Variants in HOMER2 observed in about 807,000 individuals in gnomAD.
HOMER2 encodes homer scaffold protein 2.
Under a neutral mutation model 47.0 loss-of-function variants are expected in HOMER2, and 27 were observed. That is an observed-to-expected ratio of 0.57 (90% CI 0.42 to 0.79). The LOEUF (loss-of-function observed/expected upper bound fraction) is 0.79. HOMER2 is among the 30% of genes least tolerant of loss of function. HOMER2 has a pLI of 0.00. For missense variants in HOMER2, 443 were observed against 435.0 expected, an observed-to-expected ratio of 1.02 and a Z score of -0.16; for synonymous variants, 161 against 163.8, an observed-to-expected ratio of 0.98 and a Z score of 0.13.
At chr15:82,944,280 T>C (rs1006158768) in intron 1 of HOMER2, among the ~76,000 whole-genome samples, 2 of 152,184 alleles carry the variant, frequency 1.3e-5, no homozygotes, top group African/African-American at 4.8e-5. Context: ...AACTGGATCA[T>C]GATGCCAGCT....
chr15:82,900,549 C>T (rs2053082103), intron 1 of HOMER2, among the ~76,000 whole-genome samples: 1 of 152,102 alleles, frequency 6.6e-6, no homozygotes, highest in African/African-American at 2.4e-5. Flanking sequence ...TTAGCCATCT[C>T]AGATATTGAA....
At chr15:82,956,113 G>C (rs1429909265), upstream of HOMER2, among the ~76,000 whole-genome samples, 2 of 151,966 alleles carry the variant, frequency 1.3e-5, no homozygotes, top group South Asian at 2.1e-4. Flanking sequence ...GGTGGTACAT[G>C]CCTGTAATCC....
intron 1 of HOMER2, among the ~76,000 whole-genome samples, chr15:82,966,148 G>A (rs1377302825): frequency 6.6e-6 from 1 of 152,088 alleles, no homozygotes; most frequent in Non-Finnish European, 1.5e-5. Flanking sequence ...TTGGCATTGG[G>A]AGTATGGTAG....
chr15:82,906,193 G>A (rs1022263229), intron 1 of HOMER2, among the ~76,000 whole-genome samples: 6 of 152,092 alleles, frequency 3.9e-5, no homozygotes, highest in Non-Finnish European at 7.3e-5. Context: ...TAATTGATAT[G>A]CTAAGAAAGG....
chr15:82,903,743 C>A (rs1372179832), intron 1 of HOMER2, among the ~76,000 whole-genome samples: 1 of 152,212 alleles, frequency 6.6e-6, no homozygotes, highest in Non-Finnish European at 1.5e-5. Context: ...CCTTGTAATC[C>A]CAGCACTTTG....
At chr15:82,875,054 C>T (rs2052302758) in intron 3 of HOMER2, among the ~76,000 whole-genome samples, 1 of 151,952 alleles carries the variant, frequency 6.6e-6, no homozygotes. Flanking sequence ...GGCCCCAAAG[C>T]AGCATTTGTT....
intron 3 of HOMER2, among the ~76,000 whole-genome samples, chr15:82,867,367 G>GA (rs10583915): frequency 0.017 from 2,252 of 133,896 alleles, 45 homozygotes; most frequent in African/African-American, 0.051. Context: ...AATATAAAAG[G>GA]AAAAAAAAAA....
In HOMER2 at chr15:82,875,206, C is replaced by A. The variant is rs1256454; in HGVS notation, c.294+67G>T. 59 of 1,557,334 alleles carry A rather than the reference C, an allele frequency of 3.8e-5. No homozygotes were observed. The Admixed American group carries it at 5.2e-4, about 14-fold the overall frequency. ...TGCTCACCAAGGGCACATCCCTCGG[C>A]GGGCAATCACTGATGAGAATGGCAT... On this transcript the variant is annotated intron_variant, in intron 3 of 8. Transcript: ENST00000450735.
intron 1 of HOMER2, among the ~76,000 whole-genome samples, chr15:82,968,030 A>G (rs2054691551): frequency 6.6e-6 from 1 of 152,170 alleles, no homozygotes; most frequent in South Asian, 2.1e-4. Context: ...TTGTAACAAA[A>G]TTCACATAAA....
chr15:82,845,830 GAGA>G (rs368675480), downstream of HOMER2: 122 of 152,348 alleles, frequency 8.0e-4, no homozygotes, highest in African/African-American at 2.8e-3. Flanking sequence ...GGTTTCTATA[GAGA>G]AGGAGACTTT....
downstream of HOMER2, chr15:82,844,945 G>C (rs992040859): frequency 3.9e-5 from 6 of 152,178 alleles, no homozygotes; most frequent in Admixed American, 6.5e-5. Flanking sequence ...GCACCACTTG[G>C]GACTCTGCCG....
intron 2 of HOMER2, among the ~76,000 whole-genome samples, chr15:82,882,127 T>C (rs962564929): frequency 1.3e-5 from 2 of 152,254 alleles, no homozygotes; most frequent in African/African-American, 4.8e-5. Context: ...ACATGGTTTA[T>C]AGCAGTGCTC....
chr15:82,985,278 CAT>C (rs558601766), intron 1 of HOMER2, among the ~76,000 whole-genome samples: 199 of 152,082 alleles, frequency 1.3e-3, no homozygotes, highest in African/African-American at 4.6e-3. Context: ...AACAGAGAGC[CAT>C]TGGATCAGCT....
At chr15:82,876,889 G>A (rs1271380459) in intron 2 of HOMER2, among the ~76,000 whole-genome samples, 2 of 152,218 alleles carry the variant, frequency 1.3e-5, no homozygotes, top group Non-Finnish European at 2.9e-5. Context: ...GACAGTAAGT[G>A]ACAGCTGTCA....
chr15:82,970,029 A>C (rs2029929348), intron 1 of HOMER2, among the ~76,000 whole-genome samples: 1 of 152,224 alleles, frequency 6.6e-6, no homozygotes, highest in South Asian at 2.1e-4. Context: ...TATCATGTGG[A>C]AAATAACTCA....
At chr15:82,856,498 G>T (rs2051591035) in intron 5 of HOMER2, among the ~76,000 whole-genome samples, 1 of 152,032 alleles carries the variant, frequency 6.6e-6, no homozygotes, top group African/African-American at 2.4e-5. Flanking sequence ...GTGCACCTGT[G>T]GTCCCAGCTA....
intron 1 of HOMER2, among the ~76,000 whole-genome samples, chr15:82,939,461 G>T (rs765152578): frequency 1.3e-5 from 2 of 152,142 alleles, no homozygotes; most frequent in East Asian, 3.8e-4. Context: ...GTGGCTAGAA[G>T]TTCGAGACCA....
intron 3 of HOMER2, among the ~76,000 whole-genome samples, chr15:82,867,581 T>G (rs1330522099): frequency 6.6e-6 from 1 of 152,096 alleles, no homozygotes; most frequent in Non-Finnish European, 1.5e-5. Context: ...TTGTTGGAAA[T>G]GTAAATCAAA....
chr15:82,890,897 A>T (rs1002888091), intron 2 of HOMER2, among the ~76,000 whole-genome samples: 1 of 152,106 alleles, frequency 6.6e-6, no homozygotes, highest in Admixed American at 6.5e-5. Context: ...CACAGAGGAG[A>T]GAAACGGTAA....
Sources: gnomAD v4.1 joint callset for allele counts (sites outside exome capture counted in the v4.1 genomes callset) on GRCh38, gnomAD v4.1.1 for gene constraint, MANE v1.5 for transcripts, NCBI Gene and HGNC (gene_info 2026-07-23, HGNC 2026-07-21) for gene names.